Variants in COA1 observed in about 807,000 individuals in gnomAD.
The protein encoded by COA1 is cytochrome c oxidase assembly factor 1 homolog.
Under a neutral mutation model 16.0 loss-of-function variants are expected in COA1, and 13 were observed. That is an observed-to-expected ratio of 0.81 (90% CI 0.53 to 1.29). The LOEUF (loss-of-function observed/expected upper bound fraction) is 1.29, where lower values mean the gene tolerates loss of function less well. Among genes scored for constraint, COA1 ranks in the 50% most tolerant of loss-of-function variants. The probability of loss-of-function intolerance (pLI) is 0.00; values close to 1 mark genes in which losing one functional copy is unlikely to be tolerated. For missense variants in COA1, 179 were observed against 177.0 expected (o/e 1.01, Z -0.06); for synonymous variants, 65 against 65.7 (o/e 0.99, Z 0.05).
intron 1 of COA1, among the ~76,000 whole-genome samples, chr7:43,691,866 T>A (rs1478653552): frequency 6.6e-6 from 1 of 152,166 alleles, no homozygotes; most frequent in Non-Finnish European, 1.5e-5. Flanking sequence ...AACAGCCCCA[T>A]TCCCAAAGGG....
At chr7:43,723,838 G>A (rs1342526883) in intron 1 of COA1, among the ~76,000 whole-genome samples, 2 of 152,004 alleles carry the variant, frequency 1.3e-5, no homozygotes, top group African/African-American at 2.4e-5. Flanking sequence ...AAAGCAGGAG[G>A]ATCACTTGAG....
intron 1 of COA1, among the ~76,000 whole-genome samples, chr7:43,719,785 AG>A (rs1163229723): frequency 6.6e-6 from 1 of 152,222 alleles, no homozygotes; most frequent in Non-Finnish European, 1.5e-5. Context: ...GCTTACAAAC[AG>A]GTTTCCTTGA....
At chr7:43,651,104 G>A (rs1251882053) in intron 1 of COA1, among the ~76,000 whole-genome samples, 1 of 152,184 alleles carries the variant, frequency 6.6e-6, no homozygotes, top group Non-Finnish European at 1.5e-5. Context: ...CACTGTAGAG[G>A]AATAGATGGA....
At chr7:43,685,967 C>T (rs552974385) in intron 1 of COA1, among the ~76,000 whole-genome samples, 2 of 152,252 alleles carry the variant, frequency 1.3e-5, no homozygotes, top group South Asian at 4.1e-4. Flanking sequence ...ATCAAGAATG[C>T]TTTCTATTTT....
intron 1 of COA1, among the ~76,000 whole-genome samples, chr7:43,710,396 T>A (rs146339136): frequency 0.026 from 2,449 of 94,634 alleles, 79 homozygotes; most frequent in Non-Finnish European, 0.044. Flanking sequence ...ATATATATAT[T>A]TTTAAGATAT....
intron 1 of COA1, among the ~76,000 whole-genome samples, chr7:43,675,047 A>G (rs180711838): frequency 6.6e-6 from 1 of 152,316 alleles, no homozygotes; most frequent in Non-Finnish European, 1.5e-5. Context: ...CAAACAGATG[A>G]CATTTACAAT....
At chr7:43,710,898 C>G (rs1012370173) in intron 1 of COA1, among the ~76,000 whole-genome samples, 4 of 152,084 alleles carry the variant, frequency 2.6e-5, no homozygotes, top group African/African-American at 4.8e-5. Context: ...GACACTAAAA[C>G]AATAAGCAGC....
intron 1 of COA1, among the ~76,000 whole-genome samples, chr7:43,669,643 A>C (rs2093132133): frequency 2.0e-5 from 3 of 152,024 alleles, no homozygotes; most frequent in Admixed American, 2.0e-4. Flanking sequence ...CACTTTTCTG[A>C]CGCACACAGG....
At chr7:43,720,359 C>T (rs1431544183) in intron 1 of COA1, among the ~76,000 whole-genome samples, 6 of 151,868 alleles carry the variant, frequency 4.0e-5, no homozygotes, top group Admixed American at 2.0e-4. Context: ...TGCATCCCTG[C>T]CTTTCCTCTT....
chr7:43,720,966 T>C (rs1308038068), intron 1 of COA1, among the ~76,000 whole-genome samples: 1 of 152,200 alleles, frequency 6.6e-6, no homozygotes, highest in Non-Finnish European at 1.5e-5. Context: ...CCATGGCTGC[T>C]CCATTTACTG....
chr7:43,713,829 A>C (rs935000445), intron 1 of COA1, among the ~76,000 whole-genome samples: 1 of 152,162 alleles, frequency 6.6e-6, no homozygotes, highest in Admixed American at 6.5e-5. Context: ...ATTTGACATC[A>C]GGAGTTCGAG....
intron 6 of COA1, among the ~76,000 whole-genome samples, chr7:43,621,479 GCTTT>G (rs1405727190): frequency 6.6e-6 from 1 of 152,242 alleles, no homozygotes; most frequent in East Asian, 1.9e-4. Context: ...TTGTTTTAAT[GCTTT>G]CTTTGTTGTT....
intron 6 of COA1, among the ~76,000 whole-genome samples, chr7:43,620,060 T>TG (rs1479445591): frequency 2.0e-5 from 3 of 152,204 alleles, no homozygotes; most frequent in Admixed American, 6.5e-5. Flanking sequence ...AAGGATGTTC[T>TG]GGTTGATAAC....
chr7:43,641,382 AT>A (rs1432672768), intron 4 of COA1: 18 of 151,454 alleles, frequency 1.2e-4, no homozygotes, highest in Non-Finnish European at 2.7e-4. Context: ...ATATGTGCTT[AT>A]GTGTATGATG....
At chr7:43,625,154 T>C in intron 6 of COA1, 1 of 213,760 alleles carries the variant, frequency 4.7e-6, no homozygotes, top group Non-Finnish European at 9.3e-6. Context: ...TCACTTTCTT[T>C]AAAAAATCCA....
intron 1 of COA1, among the ~76,000 whole-genome samples, chr7:43,726,009 A>G (rs973165283): frequency 6.6e-6 from 1 of 151,964 alleles, no homozygotes; most frequent in Non-Finnish European, 1.5e-5. Flanking sequence ...CAATAGCTAC[A>G]CTCAACCTCT....
At chr7:43,648,263 G>C (rs1010931471) in intron 2 of COA1, 1 of 422,100 alleles carries the variant, frequency 2.4e-6, no homozygotes, top group Non-Finnish European at 4.3e-6. Flanking sequence ...AAGTCATTTA[G>C]TTCTCATAAT....
intron 1 of COA1, among the ~76,000 whole-genome samples, chr7:43,726,002 T>C (rs1424179012): frequency 8.5e-6 from 1 of 118,100 alleles, no homozygotes; most frequent in Non-Finnish European, 1.9e-5. Flanking sequence ...CAGAACACAA[T>C]AGCTACACTC....
At chr7:43,723,337 G>A (rs906603077) in intron 1 of COA1, among the ~76,000 whole-genome samples, 1 of 152,106 alleles carries the variant, frequency 6.6e-6, no homozygotes, top group Non-Finnish European at 1.5e-5. Flanking sequence ...CCAACAACAG[G>A]AGAATAGTTG....
Sources: gnomAD v4.1 joint callset for allele counts (sites outside exome capture counted in the v4.1 genomes callset) on GRCh38, gnomAD v4.1.1 for gene constraint, MANE v1.5 for transcripts, NCBI Gene and HGNC (gene_info 2026-07-23, HGNC 2026-07-21) for gene names.